The following TUSC3 variants were observed in gnomAD, a reference collection of about 807,000 sequenced individuals.
TUSC3 encodes the protein tumor suppressor candidate 3, also known as dolichyl-diphosphooligosaccharide--protein glycosyltransferase subunit TUSC3.
Under a neutral mutation model 44.8 loss-of-function variants are expected in TUSC3, and 45 were observed. The ratio of observed to expected loss-of-function variants is 1.00; its 90% confidence interval spans 0.79 to 1.29. The LOEUF (loss-of-function observed/expected upper bound fraction) is 1.29. Among genes scored for constraint, TUSC3 ranks in the 50% most tolerant of loss-of-function variants. The pLI is 0.00. For synonymous variants in TUSC3, 212 were observed against 152.9 expected (o/e 1.39, Z -2.85); for missense variants, 519 against 437.9 (o/e 1.19, Z -1.65).
chr8:15,813,331 A>C, the TUSC3 span, among the ~76,000 whole-genome samples: 1 of 151,850 alleles, frequency 6.6e-6, no homozygotes, highest in Non-Finnish European at 1.5e-5. Context: ...AAGGCAGCTG[A>C]GTCCTCTGTA....
At chr8:15,778,987 C>A in the TUSC3 span, among the ~76,000 whole-genome samples, 4 of 152,042 alleles carry the variant, frequency 2.6e-5, no homozygotes, top group East Asian at 7.7e-4. Flanking sequence ...TCTACACAAG[C>A]TTTACTTTAG....
At chr8:15,638,499 T>G (rs962865828) in intron 2 of TUSC3, among the ~76,000 whole-genome samples, 3 of 142,558 alleles carry the variant, frequency 2.1e-5, no homozygotes, top group African/African-American at 5.2e-5. Flanking sequence ...AAGACAAACT[T>G]TTTTTTTCTT....
chr8:15,578,578 G>A (rs1302794848), intron 1 of TUSC3, among the ~76,000 whole-genome samples: 2 of 144,558 alleles, frequency 1.4e-5, no homozygotes, highest in Non-Finnish European at 3.0e-5. Flanking sequence ...ATAATCATGT[G>A]GTTTTTGTCT....
chr8:15,460,254 A>G (rs560700904), intron 1 of TUSC3, among the ~76,000 whole-genome samples: 6 of 151,924 alleles, frequency 3.9e-5, no homozygotes, highest in African/African-American at 1.4e-4. Flanking sequence ...TTGGTATCGC[A>G]TTGTCGTTTT....
At chr8:15,446,033 G>T (rs577760518) in intron 1 of TUSC3, among the ~76,000 whole-genome samples, 4 of 150,290 alleles carry the variant, frequency 2.7e-5, no homozygotes, top group Admixed American at 2.0e-4. Flanking sequence ...GGGCGGAGGG[G>T]CTCCTCACTT....
chr8:15,813,208 G>A, the TUSC3 span, among the ~76,000 whole-genome samples: 4 of 152,164 alleles, frequency 2.6e-5, no homozygotes, highest in African/African-American at 7.2e-5. Context: ...TCACTTAGAT[G>A]TAGACACTGT....
At chr8:15,645,430 T>G (rs1316489146) in intron 2 of TUSC3, among the ~76,000 whole-genome samples, 1 of 152,118 alleles carries the variant, frequency 6.6e-6, no homozygotes, top group Non-Finnish European at 1.5e-5. Flanking sequence ...TTTTCCAATT[T>G]TTTTTTACAT....
chr8:15,681,473 T>A (rs1272028043), intron 6 of TUSC3, among the ~76,000 whole-genome samples: 1 of 151,804 alleles, frequency 6.6e-6, no homozygotes, highest in East Asian at 1.9e-4. Context: ...GGTATTAATA[T>A]AGTGCCGAGT....
intron 2 of TUSC3, among the ~76,000 whole-genome samples, chr8:15,644,649 A>G (rs561989813): frequency 2.0e-5 from 3 of 152,198 alleles, no homozygotes; most frequent in African/African-American, 7.2e-5. Flanking sequence ...ATAAGGGATA[A>G]TGGGGGTAAG....
At chr8:15,637,833 C>T (rs1806161972) in intron 2 of TUSC3, among the ~76,000 whole-genome samples, 1 of 152,108 alleles carries the variant, frequency 6.6e-6, no homozygotes, top group Admixed American at 6.6e-5. Flanking sequence ...TTCTTCCTCC[C>T]TCCTATTTCT....
the TUSC3 span, among the ~76,000 whole-genome samples, chr8:15,822,991 C>T: frequency 2.0e-5 from 3 of 152,054 alleles, no homozygotes; most frequent in Non-Finnish European, 2.9e-5. Flanking sequence ...CCACTAAAAT[C>T]CTCTTAACAA....
At chr8:15,514,222 G>A (rs956035186) in intron 2 of TUSC3, among the ~76,000 whole-genome samples, 1 of 152,144 alleles carries the variant, frequency 6.6e-6, no homozygotes, top group East Asian at 1.9e-4. Flanking sequence ...GTTTGTTTGT[G>A]TGTATTATGA....
chr8:15,546,707 G>T (rs530609259), intron 1 of TUSC3, among the ~76,000 whole-genome samples: 1 of 151,512 alleles, frequency 6.6e-6, no homozygotes, highest in East Asian at 2.0e-4. Flanking sequence ...GGCTAATTTC[G>T]TATTTTTAGT....
chr8:15,601,301 A>C (rs1804279743), intron 1 of TUSC3, among the ~76,000 whole-genome samples: 1 of 151,620 alleles, frequency 6.6e-6, no homozygotes, highest in African/African-American at 2.4e-5. Flanking sequence ...CCTATAAAAA[A>C]CCATTTCCTC....
At chr8:15,523,827 G>A (rs999085195) in intron 2 of TUSC3, among the ~76,000 whole-genome samples, 3 of 150,882 alleles carry the variant, frequency 2.0e-5, no homozygotes, top group African/African-American at 7.3e-5. Context: ...AAAGGCCGAG[G>A]CAGGCAGATC....
intron 1 of TUSC3, among the ~76,000 whole-genome samples, chr8:15,621,704 T>C (rs1192576713): frequency 2.0e-5 from 3 of 150,242 alleles, no homozygotes; most frequent in African/African-American, 7.3e-5. Context: ...TCTAACTAAA[T>C]GCAAGTAATT....
intron 2 of TUSC3, among the ~76,000 whole-genome samples, chr8:15,523,800 G>A (rs1326715704): frequency 6.6e-6 from 1 of 150,466 alleles, no homozygotes; most frequent in Non-Finnish European, 1.5e-5. Flanking sequence ...GCTTACGCCT[G>A]TAATCCCAGC....
chr8:15,588,121 T>G (rs530641512), intron 1 of TUSC3, among the ~76,000 whole-genome samples: 69 of 152,208 alleles, frequency 4.5e-4, no homozygotes, highest in Non-Finnish European at 9.1e-4. Context: ...CTGTTTTTAG[T>G]TTTTTGAGGG....
intron 2 of TUSC3, among the ~76,000 whole-genome samples, chr8:15,529,704 G>A (rs970629505): frequency 1.3e-5 from 2 of 148,870 alleles, no homozygotes; most frequent in Non-Finnish European, 3.0e-5. Flanking sequence ...TTCAAACTGT[G>A]TTATTGGAGC....
Sources: gnomAD v4.1 joint callset for allele counts (sites outside exome capture counted in the v4.1 genomes callset) on GRCh38, gnomAD v4.1.1 for gene constraint, MANE v1.5 for transcripts, NCBI Gene and HGNC (gene_info 2026-07-23, HGNC 2026-07-21) for gene names.